ANO4: variants seen among roughly 807,000 people sequenced by gnomAD.
The protein encoded by ANO4 is anoctamin-4.
In ANO4, 69 loss-of-function variants were observed where a neutral mutation model predicts 141.9. The observed-to-expected ratio is 0.49, with a 90% CI of 0.40 to 0.59. The LOEUF is 0.59. ANO4 is among the 20% of genes least tolerant of loss of function. ANO4 has a pLI of 0.00. For synonymous variants in ANO4, 350 were observed against 394.3 expected (o/e 0.89, Z 1.33); for missense variants, 894 against 1,162.2 (o/e 0.77, Z 3.36).
At chr12:101,031,655 G>A (rs928041327) in intron 9 of ANO4, among the ~76,000 whole-genome samples, 2 of 152,174 alleles carry the variant, frequency 1.3e-5, no homozygotes, top group African/African-American at 4.8e-5. Flanking sequence ...TCTGTTTGCA[G>A]ATGACATGAT....
At chr12:100,937,772 C>CT (rs1161724305) in intron 3 of ANO4, among the ~76,000 whole-genome samples, 1 of 152,060 alleles carries the variant, frequency 6.6e-6, no homozygotes, top group African/African-American at 2.4e-5. Flanking sequence ...GCTTTTTTGT[C>CT]TTTTCTGTCT....
rs551609145 is a variant in ANO4 at position 101,038,033 on chromosome 12, G to C, written c.897+883G>C. 2.7e-3 allele frequency among the ~76,000 whole-genome samples: 408 copies of C among 152,156 alleles called. 1 individual carries two copies. The highest frequency in any genetic ancestry group is 4.8e-3 in the Non-Finnish European group (329 of 67,994). On this transcript the variant is annotated intron_variant, in intron 10 of 27. Coordinates refer to ENST00000392977, the MANE Select transcript of ANO4 (RefSeq NM_001286615.2). Reference sequence around the variant, plus strand: ...AACATACTTTTTTTTGGCTTACAGTGGTACTTCTCTTAATTTTAAACACTA... The same window carrying C: ...AACATACTTTTTTTTGGCTTACAGTCGTACTTCTCTTAATTTTAAACACTA...
At chr12:100,776,186 A>C (rs1225424686) in intron 3 of ANO4, among the ~76,000 whole-genome samples, 1 of 152,294 alleles carries the variant, frequency 6.6e-6, no homozygotes, top group South Asian at 2.1e-4. Context: ...TTTCATAGCC[A>C]GGAATGAGGA....
intron 1 of ANO4, among the ~76,000 whole-genome samples, chr12:100,806,554 T>TTTTTTTTTTTTTTTG: frequency 1.4e-5 from 1 of 71,356 alleles, no homozygotes; most frequent in Non-Finnish European, 2.6e-5. Context: ...TTTTTTTTTT[T>TTTTTTTTTTTTTTTG]TTTTTTGTGA....
intron 3 of ANO4, among the ~76,000 whole-genome samples, chr12:100,930,144 T>C (rs1012061294): frequency 6.6e-6 from 1 of 152,178 alleles, no homozygotes; most frequent in Non-Finnish European, 1.5e-5. Flanking sequence ...CTCTTCACTT[T>C]GTTGATTGTT....
Position 101,127,032 on chromosome 12 carries a change from A to G in ANO4, c.2830A>G (p.Lys944Glu), listed in dbSNP as rs759943540. ...TCTCCAGAAGGAACGAAAGGAGAGG[A>G]AGAAGAATGGAAAAGCACACCACAA... Reference protein sequence around the residue: ...ERLQKERKERKKNGKAHHNEW... With the variant: ...ERLQKERKEREKNGKAHHNEW... Residue 944 changes from lysine (K) to glutamate (E), a missense_variant, in exon 27 of 28, where the codon AAG becomes GAG. Coordinates refer to ENST00000392977, the MANE Select transcript of ANO4 (RefSeq NM_001286615.2). 7.4e-6 allele frequency: 12 copies of G among 1,614,002 alleles called. No individual in the cohort carries two copies. The Middle Eastern group carries it at 5.0e-4, about 67-fold the overall frequency.
upstream of ANO4, among the ~76,000 whole-genome samples, chr12:100,791,132 A>T (rs979730869): frequency 1.3e-5 from 2 of 152,094 alleles, no homozygotes; most frequent in Non-Finnish European, 2.9e-5. Context: ...TAATCCTAGC[A>T]CTTTGGGAGG....
rs377315098 is a variant in ANO4 at position 101,042,388 on chromosome 12, C to A, written c.1074C>A (p.Thr358=). Residue 358 remains threonine, a synonymous_variant, in exon 12 of 28, where the codon ACC becomes ACA. Transcript: ENST00000392977. ...GLYFAWLGWY[T]GMLFPAAFIG... Reference sequence around the variant, plus strand: ...ATTTTGCCTGGTTGGGCTGGTACACCGGCATGCTCTTCCCAGCTGCCTTCA... The same window carrying A: ...ATTTTGCCTGGTTGGGCTGGTACACAGGCATGCTCTTCCCAGCTGCCTTCA... 1.9e-6 allele frequency: 3 copies of A among 1,613,962 alleles called. No individual in the cohort carries two copies.
intron 24 of ANO4, among the ~76,000 whole-genome samples, chr12:101,115,754 T>A (rs550982245): frequency 1.3e-5 from 2 of 152,338 alleles, no homozygotes; most frequent in South Asian, 4.1e-4. Flanking sequence ...TTTTCTTGAA[T>A]GGAATTATTG....
chr12:100,923,274 T>C (rs1592727050), intron 3 of ANO4, among the ~76,000 whole-genome samples: 1 of 152,164 alleles, frequency 6.6e-6, no homozygotes, highest in South Asian at 2.1e-4. Context: ...CTCCTAATGC[T>C]ATCCCTCCCC....
chr12:100,910,227 A>T (rs926502147), intron 2 of ANO4, among the ~76,000 whole-genome samples: 1 of 152,166 alleles, frequency 6.6e-6, no homozygotes, highest in Non-Finnish European at 1.5e-5. Flanking sequence ...ATAAATAAAG[A>T]AATCATTTTT....
Position 100,928,946 on chromosome 12 carries a change from G to A in ANO4, c.160+6616G>A, listed in dbSNP as rs190306537. ...ATAAACATTGCCATTATTGAGCCAG[G>A]TGATGACAATGACATCTTTTTTTAT... On this transcript the variant is annotated intron_variant, in intron 3 of 27. Coordinates refer to ENST00000392977, the MANE Select transcript of ANO4 (RefSeq NM_001286615.2). Among the ~76,000 whole-genome samples the A allele has an allele frequency of 3.1e-3, 465 of 152,160 alleles. 1 individual carries two copies. The highest frequency in any genetic ancestry group is 3.8e-3 in the Non-Finnish European group (256 of 67,978).
chr12:101,113,316 G>A (rs2050732914), intron 24 of ANO4, among the ~76,000 whole-genome samples: 1 of 152,158 alleles, frequency 6.6e-6, no homozygotes, highest in Non-Finnish European at 1.5e-5. Context: ...AACAAAATGG[G>A]AACCTTTATG....
rs563452083 is a variant in ANO4, at chr12:100,837,493, C to T, written c.-141+42466C>T. On this transcript the variant is annotated intron_variant, in intron 1 of 27. Transcript: ENST00000392977. ...AGATGTCTTATCAAAATTGCTCTCT[C>T]GACCGGGTGCAGTGGTTCACACCTG... Among the ~76,000 whole-genome samples, 7 of 152,086 alleles carry T rather than the reference C, an allele frequency of 4.6e-5. No homozygotes were observed. In the South Asian group the frequency reaches 1.0e-3, roughly 23 times the overall value.
rs561057761 is a variant in ANO4 at position 101,063,833 on chromosome 12, CTCTTA to C, written c.1313-15355_1313-15351del. 3.0e-4 allele frequency among the ~76,000 whole-genome samples: 29 copies of C among 96,696 alleles called. No homozygotes were observed. In the East Asian group the frequency reaches 6.0e-3, roughly 20 times the overall value. 63.4% of individuals were successfully genotyped at this position (96,696 alleles called of 152,430 possible). A position where few individuals can be genotyped will look rare whatever the true frequency, so the allele number is the denominator to read the frequency against. The stretch of plus-strand genomic sequence containing the variant: ...TTGGCATAAATTTGTTTATAATATT[CTCTTA>C]TCTTCTTTCTAATTCCTATAGGATG... On this transcript the variant is annotated intron_variant, in intron 14 of 27. Transcript: ENST00000392977.
chr12:100,763,425 T>A (rs17030565), intron 3 of ANO4, among the ~76,000 whole-genome samples: 8,492 of 152,282 alleles, frequency 0.056, 704 homozygotes, highest in African/African-American at 0.18. Flanking sequence ...TGGACACATA[T>A]TTCACACTAA....
chr12:100,724,093 T>C lies in ANO4; in HGVS notation c.22+6546T>C, dbSNP rs114488362. The stretch of plus-strand genomic sequence containing the variant: ...GATGTAATAATAAGGCATGAATCTT[T>C]ACCTCCTGAAGATAATGAAAACAGA... On this transcript the variant is annotated intron_variant, in intron 1 of 29. Coordinates refer to the ANO4 transcript ENST00000644049. 4.3e-3 allele frequency among the ~76,000 whole-genome samples: 657 copies of C among 152,358 alleles called. 5 individuals carry two copies. The highest frequency in any genetic ancestry group is 0.015 in the African/African-American group (623 of 41,584).
chr12:100,965,074 T>C (rs1479162931), intron 5 of ANO4, among the ~76,000 whole-genome samples: 1 of 152,146 alleles, frequency 6.6e-6, no homozygotes, highest in African/African-American at 2.4e-5. Context: ...GAGTGAATGC[T>C]AAGTTACAGT....
At chr12:100,920,794 AGTCT>A (rs2041595001) in intron 2 of ANO4, among the ~76,000 whole-genome samples, 1 of 152,170 alleles carries the variant, frequency 6.6e-6, no homozygotes, top group Non-Finnish European at 1.5e-5. Flanking sequence ...TTCAATACCT[AGTCT>A]GTCTCTATAT....
Sources: allele counts gnomAD v4.1 joint callset (sites outside exome capture counted in the v4.1 genomes callset), GRCh38; gene constraint gnomAD v4.1.1; transcripts MANE v1.5; gene names NCBI Gene and HGNC (gene_info 2026-07-23, HGNC 2026-07-21).